Variants in PSD3 observed in about 807,000 individuals in gnomAD.
The protein encoded by PSD3 is PH and SEC7 domain-containing protein 3.
In PSD3, 49 loss-of-function variants were observed where a neutral mutation model predicts 105.5. That is an observed-to-expected ratio of 0.46 (90% CI 0.37 to 0.59). PSD3 has a LOEUF of 0.59. PSD3 is among the 20% of genes least tolerant of loss of function. PSD3 has a pLI of 0.00. For synonymous variants in PSD3, 557 were observed against 457.8 expected (o/e 1.22, Z -2.77); for missense variants, 1,561 against 1,263.8 (o/e 1.24, Z -3.57).
intron 1 of PSD3, among the ~76,000 whole-genome samples, chr8:18,943,017 G>A (rs1822648256): frequency 6.6e-6 from 1 of 152,152 alleles, no homozygotes; most frequent in Non-Finnish European, 1.5e-5. Flanking sequence ...GTAAAAGGAG[G>A]TGAATCTTTC....
intron 1 of PSD3, among the ~76,000 whole-genome samples, chr8:19,076,093 G>T (rs1481822533): frequency 2.1e-5 from 2 of 95,142 alleles, no homozygotes; most frequent in Non-Finnish European, 4.7e-5. Context: ...TTGTTATGGA[G>T]GATGCTCTCA....
chr8:18,970,289 C>A (rs1170303576), intron 1 of PSD3, among the ~76,000 whole-genome samples: 2 of 132,654 alleles, frequency 1.5e-5, no homozygotes, highest in Non-Finnish European at 1.5e-5. Flanking sequence ...CGCACCACTG[C>A]ACTCCAGCCT....
chr8:18,986,666 T>C (rs1825510108), intron 1 of PSD3, among the ~76,000 whole-genome samples: 2 of 152,286 alleles, frequency 1.3e-5, no homozygotes, highest in South Asian at 2.1e-4. Flanking sequence ...TATGGCTCTT[T>C]TTGAAGAGTT....
intron 2 of PSD3, among the ~76,000 whole-genome samples, chr8:18,933,445 T>C (rs1346647669): frequency 6.6e-6 from 1 of 152,130 alleles, no homozygotes; most frequent in Non-Finnish European, 1.5e-5. Context: ...GTTATGTCTA[T>C]GCCAAGGAGT....
chr8:18,927,734 C>T (rs1821464117), intron 2 of PSD3, among the ~76,000 whole-genome samples: 1 of 152,160 alleles, frequency 6.6e-6, no homozygotes, highest in Non-Finnish European at 1.5e-5. Flanking sequence ...GTGCCCAGCC[C>T]CGTCCTGAAG....
intron 1 of PSD3, among the ~76,000 whole-genome samples, chr8:18,952,819 C>T (rs1823323564): frequency 6.6e-6 from 1 of 152,188 alleles, no homozygotes; most frequent in Non-Finnish European, 1.5e-5. Context: ...AGTTATTTTT[C>T]TAATTCTTGT....
At chr8:18,576,377 C>A (rs544235515) in intron 12 of PSD3, among the ~76,000 whole-genome samples, 127 of 151,726 alleles carry the variant, frequency 8.4e-4, no homozygotes, top group Non-Finnish European at 1.3e-3. Flanking sequence ...ATTAAGCCTC[C>A]CAGGATAAGA....
In PSD3 at chr8:18,602,484, T is replaced by G. The variant is rs567113546; in HGVS notation, c.2411-2050A>C. 7.9e-5 allele frequency among the ~76,000 whole-genome samples: 12 copies of G among 152,178 alleles called. No individual in the cohort carries two copies. The South Asian group carries it at 2.5e-3, about 32-fold the overall frequency. On this transcript the variant is annotated intron_variant, in intron 11 of 15. Transcript: ENST00000327040. Reference sequence around the variant, plus strand: ...AACCTTATCTTTGGCCAGTTACAATTTAGTAATCTAACACATGGATGAAAC... The same window carrying G: ...AACCTTATCTTTGGCCAGTTACAATGTAGTAATCTAACACATGGATGAAAC...
chr8:18,643,272 A>G (rs1807784547), intron 10 of PSD3, among the ~76,000 whole-genome samples: 1 of 152,050 alleles, frequency 6.6e-6, no homozygotes, highest in Admixed American at 6.6e-5. Context: ...ACCTTAATCC[A>G]CTCATAGCCC....
At chr8:18,995,726 C>A (rs1826040871) in intron 1 of PSD3, among the ~76,000 whole-genome samples, 1 of 152,006 alleles carries the variant, frequency 6.6e-6, no homozygotes, top group Non-Finnish European at 1.5e-5. Context: ...AAAGGCACAT[C>A]TTACATAGTG....
chr8:18,681,837 T>A (rs1395598929), intron 9 of PSD3, among the ~76,000 whole-genome samples: 1 of 152,056 alleles, frequency 6.6e-6, no homozygotes, highest in Non-Finnish European at 1.5e-5. Flanking sequence ...CTTGGCTATA[T>A]CCTTGAACAC....
intron 10 of PSD3, among the ~76,000 whole-genome samples, chr8:18,636,476 GT>G (rs1180331055): frequency 6.6e-6 from 1 of 152,108 alleles, no homozygotes; most frequent in East Asian, 1.9e-4. Context: ...TGAAGAAAAG[GT>G]TTTTAAAAAG....
chr8:18,937,392 G>C (rs956342663), intron 1 of PSD3, among the ~76,000 whole-genome samples: 1 of 152,120 alleles, frequency 6.6e-6, no homozygotes, highest in South Asian at 2.1e-4. Flanking sequence ...AAGCGTGAAG[G>C]GTTTTAACAG....
intron 2 of PSD3, among the ~76,000 whole-genome samples, chr8:18,932,620 A>C (rs1821821663): frequency 6.6e-6 from 1 of 152,164 alleles, no homozygotes; most frequent in South Asian, 2.1e-4. Flanking sequence ...ATGTGCCTTT[A>C]GTCATGTTCT....
At chr8:18,603,435 T>C (rs992606337) in intron 11 of PSD3, among the ~76,000 whole-genome samples, 13 of 152,236 alleles carry the variant, frequency 8.5e-5, no homozygotes, top group African/African-American at 3.1e-4. Flanking sequence ...TTGAAGTCTA[T>C]CCTTTAGAAG....
intron 4 of PSD3, among the ~76,000 whole-genome samples, chr8:18,817,750 CT>C (rs1181565861): frequency 6.6e-6 from 1 of 152,210 alleles, no homozygotes; most frequent in African/African-American, 2.4e-5. Context: ...CGGAAATCAT[CT>C]GCCAATGAGC....
At chr8:18,888,024 C>T (rs1017897666) in intron 2 of PSD3, among the ~76,000 whole-genome samples, 3 of 152,182 alleles carry the variant, frequency 2.0e-5, no homozygotes, top group Non-Finnish European at 4.4e-5. Flanking sequence ...GGCACAACCA[C>T]GATTCAAACA....
chr8:19,004,682 C>T (rs1418657126), intron 1 of PSD3, among the ~76,000 whole-genome samples: 1 of 152,046 alleles, frequency 6.6e-6, no homozygotes, highest in African/African-American at 2.4e-5. Context: ...TATGGTTTGG[C>T]TTTGTCCCCA....
At chr8:19,017,284 A>G (rs770911349), upstream of PSD3, among the ~76,000 whole-genome samples, 58 of 152,054 alleles carry the variant, frequency 3.8e-4, no homozygotes, top group Non-Finnish European at 7.9e-4. Context: ...CCTGGCCTCA[A>G]ACAGTCCTTC....
Sources: allele counts gnomAD v4.1 joint callset (sites outside exome capture counted in the v4.1 genomes callset), GRCh38; gene constraint gnomAD v4.1.1; transcripts MANE v1.5; gene names NCBI Gene and HGNC (gene_info 2026-07-23, HGNC 2026-07-21).